PZP: variants seen among roughly 807,000 people sequenced by gnomAD.
The protein encoded by PZP is PZP alpha-2-macroglobulin like.
PZP carries 150 observed loss-of-function variants against 179.8 expected under a neutral mutation model. That is an observed-to-expected ratio of 0.83 (90% CI 0.73 to 0.96). The LOEUF (loss-of-function observed/expected upper bound fraction) is 0.96, where lower values mean the gene tolerates loss of function less well. Among genes scored for constraint, PZP ranks in the 40% least tolerant of loss-of-function variants. PZP has a pLI of 0.00. For missense variants in PZP, 1,689 were observed against 1,764.0 expected (o/e 0.96, Z 0.76); for synonymous variants, 624 against 652.3 (o/e 0.96, Z 0.66).
At chr12:9,183,484 C>T (rs1004099787) in intron 13 of PZP, among the ~76,000 whole-genome samples, 1 of 152,152 alleles carries the variant, frequency 6.6e-6, no homozygotes, top group African/African-American at 2.4e-5. Flanking sequence ...ACTGCAGCCT[C>T]GAATTTCTGG....
At chr12:9,143,864 A>C (rs957578955), downstream of PZP, among the ~76,000 whole-genome samples, 1 of 152,176 alleles carries the variant, frequency 6.6e-6, no homozygotes, top group African/African-American at 2.4e-5. Context: ...ACCTATGTGG[A>C]CTGGTAAGAA....
chr12:9,165,497 T>A, intron 18 of PZP, 130 bp from the exon 19 acceptor site: 7 of 992,998 alleles, frequency 7.0e-6, no homozygotes, highest in Non-Finnish European at 1.0e-5. Context: ...TGTGCATTCG[T>A]GTGAACACTA....
intron 22 of PZP, 82 bp from the exon 23 acceptor site, chr12:9,161,198 C>A (rs1427896972): frequency 8.7e-7 from 1 of 1,148,940 alleles, no homozygotes; most frequent in Non-Finnish European, 1.2e-6. Context: ...GTGAGAGCTT[C>A]AGAGCCACAC....
At position 9,203,712 on chromosome 12, in the gene PZP, T is replaced by C. The variant is rs748945975; in HGVS notation, c.267+56A>G. On this transcript the variant is annotated intron_variant, in intron 2 of 35. Coordinates refer to ENST00000261336, the MANE Select transcript of PZP (RefSeq NM_002864.3). ...ACCAGAGCTCCATCACCATGACCTA[T>C]AGAGCTCAATAAAATGTATCAAGCA... 104 of 1,585,224 alleles carry C rather than the reference T, an allele frequency of 6.6e-5. No individual in the cohort carries two copies. In the East Asian group the frequency reaches 2.1e-3, roughly 33 times the overall value.
At chr12:9,182,219 A>T (rs1371668185) in intron 13 of PZP, 102 bp from the exon 14 acceptor site, 1 of 1,115,726 alleles carries the variant, frequency 9.0e-7, no homozygotes, top group Non-Finnish European at 1.2e-6. Flanking sequence ...TCCACTTGAG[A>T]ACTGCGTCCA....
intron 35 of PZP, 98 bp from the exon 36 acceptor site, chr12:9,149,092 C>T: frequency 9.0e-7 from 1 of 1,107,796 alleles, no homozygotes; most frequent in Non-Finnish European, 1.4e-6. Context: ...GGTCAGGAAA[C>T]TTTGTGAAAG....
At chr12:9,156,757 G>A (rs964526155) in intron 28 of PZP, among the ~76,000 whole-genome samples, 2 of 152,100 alleles carry the variant, frequency 1.3e-5, no homozygotes, top group African/African-American at 4.8e-5. Flanking sequence ...GTATGACTTG[G>A]CTAAGGAATT....
chr12:9,157,084 C>T (rs906674564), intron 28 of PZP, 91 bp downstream of exon 28: 17 of 1,272,250 alleles, frequency 1.3e-5, no homozygotes, highest in Middle Eastern at 1.9e-4. Flanking sequence ...TCTCCCTCTC[C>T]GCACCTCCCA....
chr12:9,153,747 T>C (rs905684489), intron 29 of PZP, among the ~76,000 whole-genome samples: 1 of 152,184 alleles, frequency 6.6e-6, no homozygotes, highest in Non-Finnish European at 1.5e-5. Context: ...CTTGAGTTTC[T>C]TTTTACCTTC....
rs1327493676 is a variant in PZP, at chr12:9,169,437, A to G, written c.1994T>C (p.Phe665Ser). Residue 665 changes from phenylalanine to serine, a missense_variant, in exon 16 of 36, where the codon TTC becomes TCC. Transcript: ENST00000261336. ...LSSNEADIYS[F>S]LKGMGLKVFT... ...AAGTAGTGAGAATTTTACCTTGAGG[A>G]AGCTATAAATATCTGCTTCATTACT... 6.3e-7 allele frequency: 1 copy of G among 1,593,188 alleles called. No homozygotes were observed. Among genetic ancestry groups the G allele is most frequent in the African/African-American group, 1.4e-5 (1 of 73,618 alleles).
chr12:9,182,138 G>GACAAAATGGTCATAAGTGAC, intron 13 of PZP, 21 bp from the exon 14 acceptor site: 1 of 1,610,546 alleles, frequency 6.2e-7, no homozygotes, highest in Non-Finnish European at 8.5e-7. Context: ...GAGAGAGTGA[G>GACAAAATGGTCATAAGTGAC]ACAAAATGGT....
chr12:9,157,252 T>C lies in PZP; in HGVS notation c.3473A>G (p.Tyr1158Cys), dbSNP rs776471406. ...TTGCTTTCCCAGTAGGGAAAAAGCA[T>C]AGGCCAGCAATGCCTTGGTGTAGAC... ...SHVYTKALLAYAFSLLGKQNQ... is the reference protein window; with the variant it reads ...SHVYTKALLACAFSLLGKQNQ... Residue 1158 changes from tyrosine (Y) to cysteine (C), a missense_variant, in exon 28 of 36, where the codon TAT becomes TGT. Transcript: ENST00000261336. 1 of 1,614,190 alleles carries C rather than the reference T, an allele frequency of 6.2e-7. No homozygotes were observed. The highest frequency in any genetic ancestry group is 1.7e-5 in the Admixed American group (1 of 60,024).
chr12:9,158,319 G>A, intron 26 of PZP, 101 bp downstream of exon 26: 1 of 1,474,242 alleles, frequency 6.8e-7, no homozygotes, highest in East Asian at 2.3e-5. Flanking sequence ...CATCATCCAG[G>A]ACTTCATCTT....
chr12:9,162,888 G>A (rs1426905489), intron 21 of PZP, among the ~76,000 whole-genome samples: 1 of 152,148 alleles, frequency 6.6e-6, no homozygotes, highest in African/African-American at 2.4e-5. Flanking sequence ...TAGGGATTAA[G>A]CCCAGCATCC....
Position 9,196,385 on chromosome 12 carries a change from A to AG in PZP, c.1036dup (p.Leu346ProfsTer11). On this transcript the variant is annotated frameshift_variant, in exon 10 of 36. Transcript: ENST00000261336. LOFTEE classifies it high-confidence loss of function. ...GTGTGAATCCACTTTCACGAATTTG[A>AG]GTTTGGATACAATGTTTGTGATTTC... The AG allele has an allele frequency of 6.2e-7, 1 of 1,613,882 alleles. No individual in the cohort carries two copies. Among genetic ancestry groups the AG allele is most frequent in the Non-Finnish European group, 8.5e-7 (1 of 1,179,850 alleles).
intron 1 of PZP, among the ~76,000 whole-genome samples, chr12:9,205,388 A>G (rs1226804908): frequency 6.6e-6 from 1 of 152,198 alleles, no homozygotes; most frequent in Non-Finnish European, 1.5e-5. Flanking sequence ...GTTTTTGAGC[A>G]TCTGCCACAT....
chr12:9,172,728 G>T (rs924945915), intron 15 of PZP, among the ~76,000 whole-genome samples: 2 of 152,100 alleles, frequency 1.3e-5, no homozygotes, highest in African/African-American at 4.8e-5. Context: ...AACAAACAAA[G>T]AAGGGTAGTA....
chr12:9,166,092 A>T lies in PZP; in HGVS notation c.2218T>A (p.Tyr740Asn), dbSNP rs751724709. 220 of 1,611,532 alleles carry T rather than the reference A, an allele frequency of 1.4e-4. No individual in the cohort carries two copies. Among genetic ancestry groups the T allele is most frequent in the South Asian group, 4.6e-4 (41 of 90,104 alleles). The change falls in exon 18 of 36, where the codon TAT becomes AAT. Residue 740 changes from tyrosine to asparagine, a missense_variant. By Grantham distance (143) the Tyr-to-Asn change is moderately radical (BLOSUM62 -2). Transcript: ENST00000261336. ...SGPVPETVRS[Y>N]FPETWIWELV... ...TCCCAGATCCAAGTCTCAGGAAAATAGCTTCGCACCGTTTCAGGGACTGGC... is the reference window on the plus strand; with the variant it reads ...TCCCAGATCCAAGTCTCAGGAAAATTGCTTCGCACCGTTTCAGGGACTGGC...
At chr12:9,177,308 G>C (rs940045255) in intron 15 of PZP, among the ~76,000 whole-genome samples, 3 of 152,208 alleles carry the variant, frequency 2.0e-5, no homozygotes, top group Non-Finnish European at 4.4e-5. Context: ...TAGGACCTCT[G>C]TGTGGTGAGG....
Sources: allele counts gnomAD v4.1 joint callset (sites outside exome capture counted in the v4.1 genomes callset), GRCh38; gene constraint gnomAD v4.1.1; transcripts MANE v1.5; gene names NCBI Gene and HGNC (gene_info 2026-07-23, HGNC 2026-07-21).